Variants in TTC3 observed in about 807,000 individuals in gnomAD.
The protein encoded by TTC3 is E3 ubiquitin-protein ligase TTC3.
In TTC3, 180 loss-of-function variants were observed where a neutral mutation model predicts 249.6. The observed-to-expected ratio is 0.72, with a 90% CI of 0.64 to 0.82. The LOEUF is 0.82. Ranked by LOEUF, TTC3 falls within the 40% of genes least tolerant of loss-of-function variation. The pLI, the probability that TTC3 is intolerant of heterozygous loss-of-function variation, is 0.00. For synonymous variants in TTC3, 717 were observed against 805.0 expected, an observed-to-expected ratio of 0.89 and a Z score of 1.85; for missense variants, 2,061 against 2,398.4, an observed-to-expected ratio of 0.86 and a Z score of 2.94.
chr21:37,195,608 T>G, intron 41 of TTC3, 67 bp from the exon 42 acceptor site: 1 of 1,522,360 alleles, frequency 6.6e-7, no homozygotes. Flanking sequence ...CATCGGCCTT[T>G]GTCCTTGGGC....
intron 11 of TTC3, among the ~76,000 whole-genome samples, chr21:37,112,545 A>G (rs528132091): frequency 6.6e-6 from 1 of 152,358 alleles, no homozygotes; most frequent in East Asian, 1.9e-4. Context: ...TGAGCCAATA[A>G]TTAATAGCTT....
At chr21:37,156,572 G>T in intron 27 of TTC3, 83 bp from the exon 28 acceptor site, 1 of 1,506,054 alleles carries the variant, frequency 6.6e-7, no homozygotes, top group East Asian at 2.3e-5. Context: ...ATAATCAGCT[G>T]CTTTCAGAGA....
intron 13 of TTC3, among the ~76,000 whole-genome samples, chr21:37,123,730 A>G (rs1172282958): frequency 6.6e-6 from 1 of 151,940 alleles, no homozygotes; most frequent in East Asian, 1.9e-4. Context: ...TAAATTTAGC[A>G]CAAGGTCATA....
intron 34 of TTC3, among the ~76,000 whole-genome samples, chr21:37,171,709 C>T (rs924701333): frequency 2.6e-5 from 4 of 152,170 alleles, no homozygotes; most frequent in South Asian, 4.1e-4. Flanking sequence ...ACTAAACTTT[C>T]GGTCTGAGCA....
intron 7 of TTC3, among the ~76,000 whole-genome samples, chr21:37,091,819 G>A (rs901590745): frequency 1.3e-5 from 2 of 152,160 alleles, no homozygotes; most frequent in Non-Finnish European, 2.9e-5. Flanking sequence ...CTGACCTCGT[G>A]GTCTGCCTGC....
chr21:37,095,384 A>C, exon 9 of TTC3: 1 of 1,608,804 alleles, frequency 6.2e-7, no homozygotes, highest in Non-Finnish European at 8.5e-7. Flanking sequence ...GGAAATGAAG[A>C]GTTTTCCAAA....
At chr21:37,134,358 G>A (rs1264423483) in intron 17 of TTC3, among the ~76,000 whole-genome samples, 2 of 152,030 alleles carry the variant, frequency 1.3e-5, no homozygotes, top group African/African-American at 4.8e-5. Flanking sequence ...GGCTGAAGCA[G>A]GAGAATCGCT....
At chr21:37,172,111 T>C (rs1266261331) in intron 34 of TTC3, among the ~76,000 whole-genome samples, 1 of 152,254 alleles carries the variant, frequency 6.6e-6, no homozygotes, top group African/African-American at 2.4e-5. Context: ...GCAAGAAATA[T>C]AACTGACAAT....
At chr21:37,146,178 A>C (rs974583886) in intron 21 of TTC3, among the ~76,000 whole-genome samples, 1 of 152,220 alleles carries the variant, frequency 6.6e-6, no homozygotes, top group Non-Finnish European at 1.5e-5. Flanking sequence ...TTGAGGCTGC[A>C]GTGAGCCTTG....
chr21:37,168,890 C>G (rs1783038), intron 34 of TTC3, among the ~76,000 whole-genome samples: 152,275 of 152,288 alleles, frequency 1, 76,131 homozygotes, highest in Non-Finnish European at 1. Flanking sequence ...AGTAACTGGG[C>G]CCAGAGGTTC....
At chr21:37,191,540 T>G in intron 40 of TTC3, 116 bp downstream of exon 40, 1 of 620,370 alleles carries the variant, frequency 1.6e-6, no homozygotes, top group Admixed American at 4.2e-5. Context: ...AATAATTTTT[T>G]TTGTTGAAAG....
chr21:37,156,937 A>G, intron 28 of TTC3, 31 bp downstream of exon 28: 1 of 1,596,548 alleles, frequency 6.3e-7, no homozygotes, highest in South Asian at 1.1e-5. Context: ...CTTATATTAC[A>G]TTTAATCTTA....
chr21:37,156,500 A>G (rs543519774), intron 27 of TTC3, among the ~76,000 whole-genome samples, 155 bp from the exon 28 acceptor site: 2 of 152,366 alleles, frequency 1.3e-5, no homozygotes, highest in South Asian at 2.1e-4. Flanking sequence ...TAAAATGCCC[A>G]ATAGCTTGAA....
At chr21:37,095,599 A>C in intron 9 of TTC3, 155 bp downstream of exon 9, 1 of 509,294 alleles carries the variant, frequency 2.0e-6, no homozygotes, top group South Asian at 3.4e-5. Flanking sequence ...AGCATTGGAG[A>C]TGGCCTGGGT....
chr21:37,090,434 C>G (rs1270596091), intron 6 of TTC3, 148 bp downstream of exon 6: 2 of 961,416 alleles, frequency 2.1e-6, no homozygotes, highest in Admixed American at 7.8e-5. Flanking sequence ...CTTAAGGAGA[C>G]TCCTCATTTT....
intron 19 of TTC3, among the ~76,000 whole-genome samples, chr21:37,140,264 A>G (rs529145773): frequency 6.6e-6 from 1 of 152,026 alleles, no homozygotes; most frequent in Non-Finnish European, 1.5e-5. Flanking sequence ...ACACGATTTG[A>G]CTCTTTTTAG....
At chr21:37,151,777 A>G in intron 25 of TTC3, 116 bp from the exon 26 acceptor site, 1 of 1,172,174 alleles carries the variant, frequency 8.5e-7, no homozygotes. Context: ...TGGAAGATGT[A>G]GGCCGGGCTC....
Position 37,201,492 on chromosome 21 carries a change from G to A in TTC3, c.5996G>A (p.Arg1999His), listed in dbSNP as rs547678973. Reference sequence around the variant, plus strand: ...AGCGCTTGCCCGGCCTGCCAGGGTCGTGATCTCCTGACAGAAGAGTCACCT... The same window carrying A: ...AGCGCTTGCCCGGCCTGCCAGGGTCATGATCTCCTGACAGAAGAGTCACCT... Residue 1999 changes from arginine to histidine, a missense_variant, in exon 46 of 46, where the codon CGT becomes CAT. Coordinates refer to ENST00000355666, the Ensembl canonical transcript of TTC3. 1.6e-5 allele frequency: 26 copies of A among 1,614,004 alleles called. No homozygotes were observed. The East Asian group carries it at 1.8e-4, about 11-fold the overall frequency.
chr21:37,107,262 G>A (rs974521691), intron 10 of TTC3, among the ~76,000 whole-genome samples: 2 of 152,120 alleles, frequency 1.3e-5, no homozygotes, highest in African/African-American at 4.8e-5. Context: ...CAGTGAGTTG[G>A]GTACCCTGAG....
Sources: allele counts gnomAD v4.1 joint callset (sites outside exome capture counted in the v4.1 genomes callset), GRCh38; gene constraint gnomAD v4.1.1; transcripts MANE v1.5; gene names NCBI Gene and HGNC (gene_info 2026-07-23, HGNC 2026-07-21).